Variants in MBP observed in about 807,000 individuals in gnomAD.
MBP encodes the protein Golli-MBP.
In MBP, 16 loss-of-function variants were observed where a neutral mutation model predicts 35.8. The ratio of observed to expected loss-of-function variants is 0.45; its 90% CI spans 0.30 to 0.68. The LOEUF (loss-of-function observed/expected upper bound fraction) is 0.68, where lower values mean the gene tolerates loss of function less well. MBP is among the 30% of genes least tolerant of loss of function. The probability of loss-of-function intolerance (pLI) is 0.08; values close to 1 mark genes in which losing one functional copy is unlikely to be tolerated. For missense variants in MBP, 380 were observed against 404.7 expected, an observed-to-expected ratio of 0.94 and a Z score of 0.52; for synonymous variants, 143 against 159.6, an observed-to-expected ratio of 0.90 and a Z score of 0.78.
chr18:77,051,438 C>G (rs1460802866), intron 3 of MBP, among the ~76,000 whole-genome samples: 1 of 152,208 alleles, frequency 6.6e-6, no homozygotes, highest in Non-Finnish European at 1.5e-5. Flanking sequence ...AACCGTTCAA[C>G]AGTTAAGGAG....
chr18:77,068,531 T>C (rs1974303532), intron 2 of MBP, among the ~76,000 whole-genome samples: 2 of 152,216 alleles, frequency 1.3e-5, no homozygotes, highest in African/African-American at 4.8e-5. Flanking sequence ...GCTCGGCTCA[T>C]TGGAGCACTC....
chr18:77,118,152 G>C (rs1230712351), intron 1 of MBP, among the ~76,000 whole-genome samples: 1 of 97,388 alleles, frequency 1.0e-5, no homozygotes, highest in Non-Finnish European at 2.2e-5. Context: ...CAGTGGGTTG[G>C]GGTGGGATGG....
intron 8 of MBP, 176 bp from the exon 9 acceptor site, chr18:76,980,647 A>G (rs1179302355): frequency 3.7e-5 from 22 of 597,486 alleles, no homozygotes; most frequent in Non-Finnish European, 6.3e-5. Flanking sequence ...GACCTCCCTC[A>G]GCAAATGCTA....
chr18:77,084,118 G>A (rs1196030018), intron 2 of MBP, among the ~76,000 whole-genome samples: 15 of 151,960 alleles, frequency 9.9e-5, no homozygotes, highest in Admixed American at 9.8e-4. Flanking sequence ...GGGAACTCAG[G>A]AAGCCATTTT....
chr18:76,986,943 G>A lies in MBP; in HGVS notation c.750+1552C>T, dbSNP rs968363818. On this transcript the variant is annotated intron_variant, in intron 7 of 8. Coordinates refer to ENST00000355994, the MANE Select transcript of MBP (RefSeq NM_001025101.2). ...AACACAGCTTAGAAAGAGAAAGTGG[G>A]GGCTCTCTGGAACTCCAGACAAGGA... The A allele has an allele frequency of 1.8e-5, 18 of 985,304 alleles. No individual in the cohort carries two copies. The African/African-American group carries it at 3.1e-4, about 17-fold the overall frequency. The allele number at this position is 985,304 out of a possible 1,614,324, so 61.0% of individuals were successfully genotyped here.
At chr18:77,039,927 T>A (rs1222576278) in intron 3 of MBP, among the ~76,000 whole-genome samples, 1 of 152,244 alleles carries the variant, frequency 6.6e-6, no homozygotes, top group African/African-American at 2.4e-5. Flanking sequence ...CAGGGAATGC[T>A]GGTGCGGCCG....
At chr18:76,985,781 C>T (rs754214703) in intron 7 of MBP, 429 of 992,398 alleles carry the variant, frequency 4.3e-4, no homozygotes, top group Non-Finnish European at 4.8e-4. Context: ...TGGGGCTGTG[C>T]GAGAACACAA....
intron 8 of MBP, chr18:76,980,695 G>T: frequency 1.8e-6 from 1 of 558,376 alleles, no homozygotes; most frequent in Non-Finnish European, 3.2e-6. Context: ...ACTGGAATCG[G>T]ATTCCCAGGC....
rs79309576 is a variant in MBP, at chr18:77,050,846, C to T, written c.139+15452G>A. Among the ~76,000 whole-genome samples the T allele has an allele frequency of 6.9e-3, 1,045 of 152,300 alleles. 10 individuals carry two copies. Among genetic ancestry groups the T allele is most frequent in the African/African-American group, 0.024 (980 of 41,558 alleles). On this transcript the variant is annotated intron_variant, in intron 3 of 8. Transcript: ENST00000355994. Reference sequence around the variant, plus strand: ...CAGGCGTGAGCCACCACACCCCACCCTATTACCTTAGTATTAAGGAGCATG... The same window carrying T: ...CAGGCGTGAGCCACCACACCCCACCTTATTACCTTAGTATTAAGGAGCATG...
At chr18:77,115,334 A>C (rs542834948) in intron 1 of MBP, 1 of 152,402 alleles carries the variant, frequency 6.6e-6, no homozygotes, top group Admixed American at 6.5e-5. Flanking sequence ...GGCTCTTGAT[A>C]GCCTGTGTGC....
intron 3 of MBP, among the ~76,000 whole-genome samples, chr18:77,048,061 T>C (rs1973327126): frequency 6.6e-6 from 1 of 152,226 alleles, no homozygotes; most frequent in African/African-American, 2.4e-5. Flanking sequence ...ATTAAACACT[T>C]AAATGAGCTA....
At chr18:77,097,345 CT>C (rs1975801049) in intron 2 of MBP, 1 of 152,296 alleles carries the variant, frequency 6.6e-6, no homozygotes, top group Non-Finnish European at 1.5e-5. Flanking sequence ...ACCCATCTCT[CT>C]TCTTGGCTCT....
In MBP at chr18:76,988,551, A is replaced by G; in HGVS notation, c.718-24T>C. 6.2e-7 allele frequency: 1 copy of G among 1,606,174 alleles called. No homozygotes were observed. Among genetic ancestry groups the G allele is most frequent in the African/African-American group, 1.3e-5 (1 of 74,756 alleles). ...CCCTGCATGAGGAAGACAGAGAAAT[A>G]ATGACATGGTGGTCAGTGAAGGGAA... On this transcript the variant is annotated intron_variant, in intron 6 of 8. Coordinates refer to ENST00000355994, the MANE Select transcript of MBP (RefSeq NM_001025101.2). This position sits in a 1 kb window ranked among gnomAD's most constrained non-coding sequence, Gnocchi z 5.2.
At chr18:77,001,290 G>A in intron 4 of MBP, among the ~76,000 whole-genome samples, 1 of 152,238 alleles carries the variant, frequency 6.6e-6, no homozygotes, top group African/African-American at 2.4e-5. Flanking sequence ...GCTGGGGTGT[G>A]CCCGCGTTTC....
chr18:77,062,589 T>C (rs871673), intron 3 of MBP, among the ~76,000 whole-genome samples: 24,396 of 151,960 alleles, frequency 0.16, 2,293 homozygotes, highest in South Asian at 0.25. Context: ...AAACAATCCT[T>C]TGGTGAGATT....
chr18:77,039,901 G>C (rs779399945), intron 3 of MBP, among the ~76,000 whole-genome samples: 2 of 152,310 alleles, frequency 1.3e-5, no homozygotes, highest in Middle Eastern at 6.8e-3. Context: ...ACCCTCGACA[G>C]CCAGGACCTC....
intron 3 of MBP, among the ~76,000 whole-genome samples, chr18:77,019,622 A>G (rs1971907139): frequency 6.6e-6 from 1 of 152,210 alleles, no homozygotes; most frequent in Non-Finnish European, 1.5e-5. Context: ...AGCCCCCAGC[A>G]TATGGTAATT....
At chr18:77,029,792 A>AC (rs1491227080) in intron 3 of MBP, among the ~76,000 whole-genome samples, 15 of 125,866 alleles carry the variant, frequency 1.2e-4, no homozygotes, top group African/African-American at 2.3e-4. Flanking sequence ...ACACACACAC[A>AC]AACACACACA....
intron 4 of MBP, chr18:77,016,153 G>GTTT (rs34095806): frequency 0.12 from 108,728 of 886,894 alleles, 966 homozygotes; most frequent in East Asian, 0.29. Flanking sequence ...CCATAGCAGA[G>GTTT]TTTTTTTTTT....
Sources: allele counts gnomAD v4.1 joint callset (sites outside exome capture counted in the v4.1 genomes callset), GRCh38; gene constraint gnomAD v4.1.1; non-coding constraint Gnocchi (gnomAD v3.1); transcripts MANE v1.5; gene names NCBI Gene and HGNC (gene_info 2026-07-23, HGNC 2026-07-21).